Variants in NDST3 observed in about 807,000 individuals in gnomAD.
NDST3 encodes bifunctional heparan sulfate N-deacetylase/N-sulfotransferase 3.
NDST3 carries 58 observed loss-of-function variants against 96.1 expected under a neutral mutation model. The ratio of observed to expected loss-of-function variants is 0.60; its 90% confidence interval spans 0.49 to 0.75. NDST3 has a LOEUF of 0.75. Among genes scored for constraint, NDST3 ranks in the 30% least tolerant of loss-of-function variants. NDST3 has a pLI of 0.00. For synonymous variants in NDST3, 333 were observed against 359.7 expected (o/e 0.93, Z 0.84); for missense variants, 788 against 1,034.2 (o/e 0.76, Z 3.27).
intron 7 of NDST3, among the ~76,000 whole-genome samples, chr4:118,225,944 T>C (rs1739848342): frequency 6.6e-6 from 1 of 152,166 alleles, no homozygotes; most frequent in African/African-American, 2.4e-5. Context: ...TCAACCTTAC[T>C]TTTAAACTGA....
At chr4:118,038,455 G>A (rs930250779) in intron 1 of NDST3, among the ~76,000 whole-genome samples, 2 of 152,142 alleles carry the variant, frequency 1.3e-5, no homozygotes, top group African/African-American at 4.8e-5. Context: ...GCCCTCAAGT[G>A]CAGCTTTTCT....
chr4:118,188,044 T>C (rs1428764587), intron 6 of NDST3, among the ~76,000 whole-genome samples: 1 of 152,104 alleles, frequency 6.6e-6, no homozygotes, highest in African/African-American at 2.4e-5. Context: ...CCTAATGAGC[T>C]ACTGTTACAA....
chr4:118,050,260 C>T (rs889120714), intron 1 of NDST3, among the ~76,000 whole-genome samples: 2 of 152,080 alleles, frequency 1.3e-5, no homozygotes, highest in African/African-American at 4.8e-5. Context: ...CTATGACAAA[C>T]TCACAGCCAA....
Position 118,228,926 on chromosome 4 carries a change from T to C in NDST3, c.1819+1944T>C, listed in dbSNP as rs535431992. Among the ~76,000 whole-genome samples, 34 of 152,396 alleles carry C rather than the reference T, an allele frequency of 2.2e-4. 1 individual carries two copies. In the South Asian group the frequency reaches 6.4e-3, roughly 29 times the overall value. On this transcript the variant is annotated intron_variant, in intron 8 of 13. Coordinates refer to ENST00000296499, the MANE Select transcript of NDST3 (RefSeq NM_004784.3). ...CTGTATATATCCATATTTTGTGAAATTGATTTTTTAATTAAAGTAGTTTCT... is the reference window on the plus strand; with the variant it reads ...CTGTATATATCCATATTTTGTGAAACTGATTTTTTAATTAAAGTAGTTTCT...
At position 118,054,648 on chromosome 4, in the gene NDST3, T is replaced by C. The variant is rs370735437; in HGVS notation, c.738T>C (p.Pro246=). The C allele has an allele frequency of 1.6e-5, 26 of 1,613,324 alleles. No homozygotes were observed. The African/African-American group carries it at 2.9e-4, about 18-fold the overall frequency. Residue 246 remains proline (P), a synonymous_variant, in exon 2 of 14, where the codon CCT becomes CCC. Coordinates refer to ENST00000296499, the MANE Select transcript of NDST3 (RefSeq NM_004784.3). ...TAAAGACCCCAGAAAACCTTTCTCC[T>C]TCCATCTCTAAAGGTGCTTTTTATG... ...AKVKTPENLS[P]SISKGAFYAT...
intron 12 of NDST3, among the ~76,000 whole-genome samples, chr4:118,246,645 T>C (rs563913222): frequency 1.3e-5 from 2 of 152,054 alleles, no homozygotes; most frequent in East Asian, 1.9e-4. Flanking sequence ...AGAGGTTTAA[T>C]TGACTCACAG....
At chr4:118,067,065 A>G (rs1726650634) in intron 2 of NDST3, among the ~76,000 whole-genome samples, 2 of 150,278 alleles carry the variant, frequency 1.3e-5, no homozygotes, top group Non-Finnish European at 3.0e-5. Context: ...ATATTCTTGA[A>G]TAAATGAATT....
intron 6 of NDST3, among the ~76,000 whole-genome samples, chr4:118,162,120 A>G (rs1322572825): frequency 2.0e-5 from 3 of 152,190 alleles, no homozygotes; most frequent in African/African-American, 7.2e-5. Context: ...GAAATGGAAG[A>G]ACATTCCATG....
intron 3 of NDST3, among the ~76,000 whole-genome samples, chr4:118,105,557 T>C (rs907647322): frequency 3.3e-5 from 5 of 152,194 alleles, no homozygotes; most frequent in African/African-American, 1.2e-4. Context: ...AATCATACAG[T>C]AAAGATTCAT....
chr4:118,043,809 T>C (rs1366429426), intron 1 of NDST3, among the ~76,000 whole-genome samples: 7 of 152,214 alleles, frequency 4.6e-5, no homozygotes, highest in Non-Finnish European at 2.9e-5. Context: ...AGACTGAAGT[T>C]GGCATGGCAA....
At chr4:118,096,840 T>C (rs1489585366) in intron 2 of NDST3, among the ~76,000 whole-genome samples, 1 of 151,866 alleles carries the variant, frequency 6.6e-6, no homozygotes, top group Non-Finnish European at 1.5e-5. Context: ...GGTTTGAAAA[T>C]CTGAGAACCA....
At chr4:118,191,909 A>G (rs1737332835) in intron 6 of NDST3, among the ~76,000 whole-genome samples, 1 of 152,182 alleles carries the variant, frequency 6.6e-6, no homozygotes. Context: ...CCAATAATGT[A>G]TGAGGGTTCT....
rs774534278 is a variant in NDST3, at chr4:118,237,043, T to C, written c.1944-3T>C. 6.3e-7 allele frequency: 1 copy of C among 1,579,004 alleles called. No individual in the cohort carries two copies. The highest frequency in any genetic ancestry group is 8.6e-7 in the Non-Finnish European group (1 of 1,161,692). On this transcript the variant is annotated splice_polypyrimidine_tract_variant and splice_region_variant and intron_variant, in intron 9 of 13. Coordinates refer to ENST00000296499, the MANE Select transcript of NDST3 (RefSeq NM_004784.3). ...TATTTTGAGAAAAATATTCCTTTTCTAGGTATATGGATTTCTTCCCAGTCC... is the reference window on the plus strand; with the variant it reads ...TATTTTGAGAAAAATATTCCTTTTCCAGGTATATGGATTTCTTCCCAGTCC...
chr4:118,225,870 T>A (rs1739841257), intron 7 of NDST3, among the ~76,000 whole-genome samples: 1 of 152,206 alleles, frequency 6.6e-6, no homozygotes, highest in Non-Finnish European at 1.5e-5. Flanking sequence ...ATCTTTTCAT[T>A]TTAACCACCA....
chr4:118,232,692 C>CAAAG (rs144280772), intron 8 of NDST3, among the ~76,000 whole-genome samples: 1 of 148,922 alleles, frequency 6.7e-6, no homozygotes, highest in East Asian at 1.9e-4. Flanking sequence ...AGGAAAGAAA[C>CAAAG]AAAGAAAGAA....
intron 2 of NDST3, among the ~76,000 whole-genome samples, chr4:118,087,402 A>G (rs17049590): frequency 0.036 from 5,521 of 152,150 alleles, 355 homozygotes; most frequent in African/African-American, 0.13. Context: ...AGAATCCTGG[A>G]AGATCCCCTG....
intron 4 of NDST3, among the ~76,000 whole-genome samples, chr4:118,121,748 G>A (rs867779905): frequency 2.0e-5 from 3 of 152,166 alleles, no homozygotes; most frequent in Middle Eastern, 3.2e-3. Context: ...CTATCTGTGT[G>A]TATCTCTTTA....
At chr4:118,053,222 A>G (rs1183309058) in intron 1 of NDST3, among the ~76,000 whole-genome samples, 1 of 152,028 alleles carries the variant, frequency 6.6e-6, no homozygotes, top group Non-Finnish European at 1.5e-5. Context: ...GCATTTTGAA[A>G]GGGTTATTTT....
chr4:118,217,840 C>T (rs1445441626), intron 6 of NDST3, among the ~76,000 whole-genome samples: 1 of 151,786 alleles, frequency 6.6e-6, no homozygotes, highest in Non-Finnish European at 1.5e-5. Context: ...CAAATAGACA[C>T]AATAAAAAAT....
Sources: gnomAD v4.1 joint callset for allele counts (sites outside exome capture counted in the v4.1 genomes callset) on GRCh38, gnomAD v4.1.1 for gene constraint, MANE v1.5 for transcripts, NCBI Gene and HGNC (gene_info 2026-07-23, HGNC 2026-07-21) for gene names.